CFAP251: variants seen among roughly 807,000 people sequenced by gnomAD.
CFAP251 encodes cilia- and flagella-associated protein 251.
A neutral mutation model predicts 126.7 loss-of-function variants in CFAP251; 93 were observed. The ratio of observed to expected loss-of-function variants is 0.73; its 90% CI spans 0.62 to 0.87. The LOEUF (loss-of-function observed/expected upper bound fraction) is 0.87, where lower values mean the gene tolerates loss of function less well. Among genes scored for constraint, CFAP251 ranks in the 40% least tolerant of loss-of-function variants. CFAP251 has a pLI of 0.00. For missense variants in CFAP251, 1,287 were observed against 1,389.2 expected (o/e 0.93, Z 1.17); for synonymous variants, 503 against 506.9 (o/e 0.99, Z 0.10).
chr12:121,962,063 G>A lies in CFAP251; in HGVS notation c.2393G>A (p.Cys798Tyr), dbSNP rs750255225. 5.6e-6 allele frequency: 9 copies of A among 1,613,856 alleles called. No homozygotes were observed. The highest frequency in any genetic ancestry group is 1.7e-5 in the Admixed American group (1 of 60,000). Residue 798 changes from cysteine (C) to tyrosine (Y), a missense_variant, in exon 15 of 22, where the codon TGC becomes TAC. Coordinates refer to ENST00000288912, the MANE Select transcript of CFAP251 (RefSeq NM_144668.6). ...HHTDQGCYPTCMVWYPPLTRE... is the reference protein window; with the variant it reads ...HHTDQGCYPTYMVWYPPLTRE... ...ACCGACCAGGGCTGCTATCCCACCT[G>A]CATGGTCTGGTACCCACCACTCACC...
chr12:121,928,559 G>T (rs1013780963), intron 3 of CFAP251, among the ~76,000 whole-genome samples: 1 of 148,716 alleles, frequency 6.7e-6, no homozygotes, highest in Admixed American at 6.7e-5. Flanking sequence ...TCTTAGCAAC[G>T]CAACGCATCA....
In CFAP251 at chr12:121,959,022, G is replaced by A; in HGVS notation, c.2061G>A (p.Glu687=). 2 of 1,613,496 alleles carry A rather than the reference G, an allele frequency of 1.2e-6. No individual in the cohort carries two copies. The highest frequency in any genetic ancestry group is 1.7e-6 in the Non-Finnish European group (2 of 1,179,862). ...DAMSLENESP[E]PFKYSRTSVT... is the part of the protein sequence containing the mutation. ...TGTCTTTAGAAAATGAAAGCCCAGAGCCTTTCAAATATTCCAGAACCAGTG... is the reference window on the plus strand; with the variant it reads ...TGTCTTTAGAAAATGAAAGCCCAGAACCTTTCAAATATTCCAGAACCAGTG... Residue 687 remains glutamate, a synonymous_variant, in exon 13 of 22, where the codon GAG becomes GAA. Transcript: ENST00000288912.
At chr12:121,945,589 C>T (rs1412484813) in intron 7 of CFAP251, among the ~76,000 whole-genome samples, 4 of 150,596 alleles carry the variant, frequency 2.7e-5, no homozygotes, top group East Asian at 2.0e-4. Context: ...ATGATCCGCC[C>T]GCCTTGGCCT....
chr12:121,985,925 G>C (rs1175883773), intron 19 of CFAP251, among the ~76,000 whole-genome samples: 1 of 152,184 alleles, frequency 6.6e-6, no homozygotes, highest in Non-Finnish European at 1.5e-5. Context: ...TGAGGCCAAA[G>C]TGGAAGGACC....
intron 5 of CFAP251, among the ~76,000 whole-genome samples, chr12:121,937,512 A>G (rs940765102): frequency 2.0e-5 from 3 of 152,194 alleles, no homozygotes; most frequent in Non-Finnish European, 4.4e-5. Flanking sequence ...TGTGAGGATC[A>G]CTAGAGCGCA....
At chr12:121,952,754 T>C (rs1358540436) in intron 9 of CFAP251, 1 of 152,172 alleles carries the variant, frequency 6.6e-6, no homozygotes, top group Non-Finnish European at 1.5e-5. Context: ...TAAGAGGGCA[T>C]GCCAAAAGAC....
chr12:121,928,704 ATTT>A (rs60425515), intron 3 of CFAP251, among the ~76,000 whole-genome samples: 1 of 60,330 alleles, frequency 1.7e-5, no homozygotes, highest in Non-Finnish European at 5.5e-5. Context: ...ATATATATAT[ATTT>A]TTTTTTTGAG....
In CFAP251 at chr12:121,960,670, A is replaced by G. The variant is rs938643914; in HGVS notation, c.2219A>G (p.His740Arg). 8.7e-6 allele frequency: 14 copies of G among 1,614,004 alleles called. No homozygotes were observed. The highest frequency in any genetic ancestry group is 4.4e-5 in the South Asian group (4 of 91,074). ...GAGTACTTAGCAAGACTTCGCTCTC[A>G]TCGCAAAAGCATTCGAAGTCTCCTG... ...VWEYLARLRS[H>R]RKSIRSLLFG... The change falls in exon 14 of 22, where the codon CAT (histidine) becomes CGT (arginine). Residue 740 changes from histidine to arginine, a missense_variant. Transcript: ENST00000288912.
At chr12:121,981,625 T>C (rs1478915426) in intron 19 of CFAP251, among the ~76,000 whole-genome samples, 2 of 152,220 alleles carry the variant, frequency 1.3e-5, no homozygotes, top group Non-Finnish European at 2.9e-5. Flanking sequence ...GGAGAGGTTC[T>C]CCTTCACAAG....
chr12:121,923,046 C>T (rs2442439), intron 2 of CFAP251, among the ~76,000 whole-genome samples: 44,957 of 151,878 alleles, frequency 0.3, 6,963 homozygotes, highest in East Asian at 0.5. Flanking sequence ...CTGCCCGCCT[C>T]GGCCTCCCAA....
intron 21 of CFAP251, among the ~76,000 whole-genome samples, chr12:122,002,239 C>T (rs1319270095): frequency 1.3e-5 from 2 of 152,090 alleles, no homozygotes; most frequent in African/African-American, 4.8e-5. Flanking sequence ...CCTGTAATCC[C>T]AGTTACTTGG....
At chr12:121,954,990 T>A (rs944166659) in intron 10 of CFAP251, among the ~76,000 whole-genome samples, 7 of 152,244 alleles carry the variant, frequency 4.6e-5, no homozygotes, top group Admixed American at 2.6e-4. Flanking sequence ...ATAGCTGTAT[T>A]ATTTTTGTCT....
chr12:121,922,635 T>C (rs1020087839), intron 2 of CFAP251, among the ~76,000 whole-genome samples: 5 of 152,048 alleles, frequency 3.3e-5, no homozygotes, highest in Non-Finnish European at 5.9e-5. Context: ...AACTTAGCTG[T>C]GGCCTAAGAA....
chr12:121,939,098 A>G (rs2135759702), intron 5 of CFAP251, among the ~76,000 whole-genome samples: 1 of 152,280 alleles, frequency 6.6e-6, no homozygotes, highest in East Asian at 1.9e-4. Context: ...TCCTTCCAAA[A>G]CATTTGCTTT....
At chr12:121,985,403 G>A (rs1172403550) in intron 19 of CFAP251, among the ~76,000 whole-genome samples, 2 of 151,840 alleles carry the variant, frequency 1.3e-5, no homozygotes, top group South Asian at 2.1e-4. Context: ...GCATGGTGGT[G>A]CATGCCTGTA....
chr12:121,923,472 T>A (rs1490481401), intron 2 of CFAP251, 150 bp from the exon 3 acceptor site: 2 of 1,082,618 alleles, frequency 1.8e-6, no homozygotes, highest in African/African-American at 3.2e-5. Context: ...TTTTGTTTTT[T>A]AAGTACAAAA....
At position 121,949,540 on chromosome 12, in the gene CFAP251, C is replaced by G. The variant is rs889859386; in HGVS notation, c.1269+479C>G. ...TTTTTCCCTTTTAGAAAGGAATTAG[C>G]AAACAGATTAGTGATACATATACTG... On this transcript the variant is annotated intron_variant, in intron 8 of 21. Transcript: ENST00000288912. 3.5e-5 allele frequency: 5 copies of G among 142,094 alleles called. No individual in the cohort carries two copies. The East Asian group carries it at 1.0e-3, about 29-fold the overall frequency. 8.8% of individuals were successfully genotyped at this position (142,094 alleles called of 1,614,324 possible). A position where few individuals can be genotyped will look rare whatever the true frequency, so the allele number is the denominator to read the frequency against.
At chr12:121,998,918 A>AAG (rs1555221247) in intron 19 of CFAP251, 21 of 141,538 alleles carry the variant, frequency 1.5e-4, no homozygotes, top group African/African-American at 5.1e-4. Flanking sequence ...AAAAAAAAAA[A>AAG]GGGGGAAGTG....
chr12:121,921,491 G>GGAGGAGGAGGAGACA lies in CFAP251; in HGVS notation c.196_197insAGACAGAGGAGGAGG (p.Glu65_Gly66insGluThrGluGluGlu), dbSNP rs71082910. ...AGAGGAAAACGGGCGAGGAGGAAGG[G>GGAGGAGGAGGAGACA]GAGGAGGAGGGGAAGGAGGACAAAA... On this transcript the variant is annotated inframe_insertion, in exon 2 of 22. Transcript: ENST00000288912. 1 of 1,606,712 alleles carries GGAGGAGGAGGAGACA rather than the reference G, an allele frequency of 6.2e-7. No individual in the cohort carries two copies. Among genetic ancestry groups the GGAGGAGGAGGAGACA allele is most frequent in the Non-Finnish European group, 8.5e-7 (1 of 1,176,066 alleles).
Sources: gnomAD v4.1 joint callset for allele counts (sites outside exome capture counted in the v4.1 genomes callset) on GRCh38, gnomAD v4.1.1 for gene constraint, MANE v1.5 for transcripts, NCBI Gene and HGNC (gene_info 2026-07-23, HGNC 2026-07-21) for gene names.